Variants in NRXN1 observed in about 807,000 individuals in gnomAD.
The protein encoded by NRXN1 is neurexin-1.
NRXN1 carries 39 observed loss-of-function variants against 150.9 expected under a neutral mutation model. That is an observed-to-expected ratio of 0.26 (90% confidence interval 0.20 to 0.34). NRXN1 has a LOEUF of 0.34. Among genes scored for constraint, NRXN1 ranks in the 10% least tolerant of loss-of-function variants. The probability of loss-of-function intolerance (pLI) is 1.00; values close to 1 mark genes in which losing one functional copy is unlikely to be tolerated. For synonymous variants in NRXN1, 924 were observed against 757.0 expected (o/e 1.22, Z -3.62); for missense variants, 1,815 against 1,949.9 (o/e 0.93, Z 1.30).
intron 18 of NRXN1, among the ~76,000 whole-genome samples, chr2:50,132,387 C>G (rs1558943873): frequency 6.6e-6 from 1 of 151,224 alleles, no homozygotes; most frequent in Non-Finnish European, 1.5e-5. Flanking sequence ...CTCACTGCAA[C>G]CTCCGCCTCC....
intron 17 of NRXN1, among the ~76,000 whole-genome samples, chr2:50,311,591 T>C (rs2075187504): frequency 6.6e-6 from 1 of 152,124 alleles, no homozygotes; most frequent in South Asian, 2.1e-4. Flanking sequence ...CTTGTGGAAA[T>C]CATAAGCTCA....
chr2:50,661,147 T>G (rs535841347), intron 5 of NRXN1, among the ~76,000 whole-genome samples: 65 of 152,096 alleles, frequency 4.3e-4, no homozygotes, highest in African/African-American at 1.5e-3. Context: ...AAACTGAGTT[T>G]CAGAGACCTC....
At chr2:50,606,757 T>C (rs984623680) in intron 8 of NRXN1, among the ~76,000 whole-genome samples, 41 of 152,154 alleles carry the variant, frequency 2.7e-4, no homozygotes, top group Admixed American at 3.9e-4. Flanking sequence ...AATTAAAGAA[T>C]AATAAAGTTT....
At chr2:50,256,774 G>T (rs1378834665) in intron 17 of NRXN1, among the ~76,000 whole-genome samples, 2 of 152,056 alleles carry the variant, frequency 1.3e-5, no homozygotes, top group African/African-American at 4.8e-5. Context: ...GAGCAAAAAT[G>T]ATGTGTGTTT....
intron 12 of NRXN1, among the ~76,000 whole-genome samples, chr2:50,514,484 C>T (rs753735810): frequency 2.6e-5 from 4 of 152,070 alleles, no homozygotes; most frequent in Non-Finnish European, 4.4e-5. Context: ...TGCCAAATAC[C>T]GATCTCAGCA....
intron 22 of NRXN1, among the ~76,000 whole-genome samples, chr2:49,922,601 C>T (rs2104005823): frequency 6.6e-6 from 1 of 152,212 alleles, no homozygotes; most frequent in Non-Finnish European, 1.5e-5. Context: ...CAGAACAGCC[C>T]TACCCTATAA....
chr2:50,971,370 G>A (rs1694968978), intron 2 of NRXN1, among the ~76,000 whole-genome samples: 1 of 152,010 alleles, frequency 6.6e-6, no homozygotes, highest in South Asian at 2.1e-4. Flanking sequence ...GGATCACAAG[G>A]TCAGGAGTTT....
chr2:50,495,355 TGTGTGTGTGTGTGTGTGTGTGTGTG>T (rs781385834), intron 15 of NRXN1, among the ~76,000 whole-genome samples: 43,880 of 83,728 alleles, frequency 0.52, 8,007 homozygotes, highest in South Asian at 0.57. Flanking sequence ...CGTGTGTGTG[TGTGTGTGTGTGTGTGTGTGTGTGTG>T]GTGTGTGTGT....
At chr2:50,366,294 A>G (rs1174744484) in intron 17 of NRXN1, among the ~76,000 whole-genome samples, 1 of 151,946 alleles carries the variant, frequency 6.6e-6, no homozygotes, top group Non-Finnish European at 1.5e-5. Context: ...AAATAATTCA[A>G]TAGTCTCCTA....
intron 5 of NRXN1, among the ~76,000 whole-genome samples, chr2:50,796,833 G>C (rs1706902231): frequency 6.6e-6 from 1 of 152,100 alleles, no homozygotes. Context: ...ACCTTCAGTT[G>C]GATAATTTAT....
At chr2:50,482,058 G>A (rs1453719128) in intron 15 of NRXN1, among the ~76,000 whole-genome samples, 1 of 137,370 alleles carries the variant, frequency 7.3e-6, no homozygotes, top group African/African-American at 3.6e-5. Flanking sequence ...GTGAGCCACC[G>A]CGCCCGGCCG....
intron 5 of NRXN1, among the ~76,000 whole-genome samples, chr2:50,717,035 C>G (rs1042020984): frequency 6.6e-6 from 1 of 151,950 alleles, no homozygotes; most frequent in Non-Finnish European, 1.5e-5. Flanking sequence ...CCCAATGGAG[C>G]CTTCATGTTG....
intron 18 of NRXN1, among the ~76,000 whole-genome samples, chr2:50,177,763 C>A (rs536337251): frequency 1.6e-5 from 2 of 126,078 alleles, no homozygotes; most frequent in African/African-American, 3.1e-5. Flanking sequence ...TGTAGCTAAA[C>A]TAACTAACTA....
At chr2:50,863,922 G>A (rs141813171) in intron 5 of NRXN1, among the ~76,000 whole-genome samples, 72 of 152,092 alleles carry the variant, frequency 4.7e-4, no homozygotes, top group East Asian at 1.8e-3. Flanking sequence ...ATTAGCACCA[G>A]GATTTAAAAA....
At chr2:50,542,032 A>C (rs2093401439) in intron 9 of NRXN1, among the ~76,000 whole-genome samples, 1 of 152,214 alleles carries the variant, frequency 6.6e-6, no homozygotes, top group Admixed American at 6.5e-5. Flanking sequence ...CTGTAATCCC[A>C]GCACTTTGGG....
At chr2:50,417,084 T>G (rs372673215) in intron 17 of NRXN1, 1 of 152,082 alleles carries the variant, frequency 6.6e-6, no homozygotes. Context: ...TAAACCTACC[T>G]TGAATGAGGA....
intron 8 of NRXN1, among the ~76,000 whole-genome samples, chr2:50,606,973 C>G (rs1025337916): frequency 6.6e-6 from 1 of 151,998 alleles, no homozygotes; most frequent in South Asian, 2.1e-4. Flanking sequence ...AAAAATGCTG[C>G]ATTTTTCTGG....
intron 12 of NRXN1, among the ~76,000 whole-genome samples, chr2:50,523,945 C>T (rs980454673): frequency 1.3e-5 from 2 of 152,002 alleles, no homozygotes; most frequent in African/African-American, 4.8e-5. Context: ...GGAAGGTCTG[C>T]TTAAATATTT....
intron 18 of NRXN1, among the ~76,000 whole-genome samples, chr2:50,156,622 A>G (rs75945054): frequency 0.014 from 2,089 of 152,082 alleles, 61 homozygotes; most frequent in African/African-American, 0.048. Flanking sequence ...AAATAATAGC[A>G]CAATTCAGTG....
Sources: allele counts gnomAD v4.1 joint callset (sites outside exome capture counted in the v4.1 genomes callset), GRCh38; gene constraint gnomAD v4.1.1; transcripts MANE v1.5; gene names NCBI Gene and HGNC (gene_info 2026-07-23, HGNC 2026-07-21).